Variants in SAMD3 observed in about 807,000 individuals in gnomAD.
SAMD3 encodes sterile alpha motif domain-containing protein 3.
Under a neutral mutation model 58.5 loss-of-function variants are expected in SAMD3, and 63 were observed. The observed-to-expected ratio is 1.08, with a 90% confidence interval of 0.88 to 1.33. The LOEUF is 1.33. Ranked by LOEUF, SAMD3 falls within the 40% of genes most tolerant of loss-of-function variation. The pLI is 0.00. For synonymous variants in SAMD3, 220 were observed against 210.3 expected (o/e 1.05, Z -0.40); for missense variants, 604 against 608.4 (o/e 0.99, Z 0.08).
In SAMD3 at chr6:130,260,436, C is replaced by T. The variant is rs370198539; in HGVS notation, c.-187-37623G>A. Among the ~76,000 whole-genome samples, 13 of 152,332 alleles carry T rather than the reference C, an allele frequency of 8.5e-5. 1 individual carries two copies. Among genetic ancestry groups the T allele is most frequent in the Non-Finnish European group, 7.3e-5 (5 of 68,030 alleles). ...TACCTCTTGCTTGCTCAGTTGATCA[C>T]GACCCTCTCTCACGGACCCCCATAG... On this transcript the variant is annotated intron_variant, in intron 2 of 13. Transcript: ENST00000368134.
chr6:130,299,389 C>T lies in SAMD3; in HGVS notation c.-188+13589G>A, dbSNP rs138885343. 1.3e-3 allele frequency among the ~76,000 whole-genome samples: 201 copies of T among 152,120 alleles called. 2 individuals carry two copies. The highest frequency in any genetic ancestry group is 4.5e-3 in the African/African-American group (187 of 41,522). ...ACTTTTGGGTAAAGAACAAAATTAACGCAGAAATATAAAAATATTTTGAAA... is the reference window on the plus strand; with the variant it reads ...ACTTTTGGGTAAAGAACAAAATTAATGCAGAAATATAAAAATATTTTGAAA... On this transcript the variant is annotated intron_variant, in intron 2 of 13. Coordinates refer to the SAMD3 transcript ENST00000368134.
intron 8 of SAMD3, among the ~76,000 whole-genome samples, chr6:130,155,862 G>A (rs1486261956): frequency 6.6e-6 from 1 of 152,002 alleles, no homozygotes; most frequent in African/African-American, 2.4e-5. Context: ...ACCAAGTGAA[G>A]GAACGCCTAG....
intron 1 of SAMD3, among the ~76,000 whole-genome samples, chr6:130,349,891 T>C (rs1452029508): frequency 6.6e-6 from 1 of 152,156 alleles, no homozygotes; most frequent in Non-Finnish European, 1.5e-5. Flanking sequence ...GTGGGCTTCA[T>C]CCCTGGGATG....
downstream of SAMD3, chr6:130,143,811 A>T (rs1238087745): frequency 6.6e-6 from 1 of 152,258 alleles, no homozygotes; most frequent in Non-Finnish European, 1.5e-5. Context: ...AAAAGTACTT[A>T]TGCAGCCATT....
chr6:130,168,765 A>G (rs1790951568), intron 8 of SAMD3, among the ~76,000 whole-genome samples: 1 of 152,100 alleles, frequency 6.6e-6, no homozygotes, highest in Admixed American at 6.6e-5. Flanking sequence ...GAGTTACCCA[A>G]GTGTGTCTTA....
chr6:130,216,780 C>A lies in SAMD3; in HGVS notation c.-67-164G>T, dbSNP rs557855290. 3.9e-5 allele frequency among the ~76,000 whole-genome samples: 6 copies of A among 152,244 alleles called. No homozygotes were observed. The South Asian group carries it at 1.2e-3, about 32-fold the overall frequency. On this transcript the variant is annotated intron_variant, in intron 1 of 11. Coordinates refer to ENST00000439090, the MANE Select transcript of SAMD3 (RefSeq NM_001017373.4). ...ACAAACAGTAGCCACAGAACCCCTC[C>A]CCTAGGCTAAGCAGCAATAGCAGGG...
intron 2 of SAMD3, among the ~76,000 whole-genome samples, chr6:130,285,694 T>C (rs1775132595): frequency 6.6e-6 from 1 of 152,266 alleles, no homozygotes; most frequent in South Asian, 2.1e-4. Flanking sequence ...AGTTGTATTT[T>C]CTGTTACTTG....
intron 1 of SAMD3, among the ~76,000 whole-genome samples, chr6:130,342,810 A>G (rs1251946407): frequency 6.6e-6 from 1 of 152,206 alleles, no homozygotes; most frequent in East Asian, 1.9e-4. Context: ...AAGAAATATT[A>G]TTCAAATCTG....
Position 130,327,610 on chromosome 6 carries a change from C to T in SAMD3, c.-303-14517G>A, listed in dbSNP as rs1455036847. 5.8e-4 allele frequency among the ~76,000 whole-genome samples: 89 copies of T among 152,276 alleles called. 2 individuals carry two copies. The highest frequency in any genetic ancestry group is 8.8e-5 in the Non-Finnish European group (6 of 68,016). ...AAATTAAAACTGAGTAAATGGTCAA[C>T]TTGGCATGAAGCCTTACTAAGTTGA... On this transcript the variant is annotated intron_variant, in intron 1 of 13. Coordinates refer to the SAMD3 transcript ENST00000368134.
chr6:130,278,123 C>G (rs944174204), intron 2 of SAMD3, among the ~76,000 whole-genome samples: 1 of 152,192 alleles, frequency 6.6e-6, no homozygotes, highest in African/African-American at 2.4e-5. Flanking sequence ...AGACCCTGCA[C>G]TTTATGGATC....
chr6:130,269,596 TTCTC>T (rs1554269110), intron 2 of SAMD3, among the ~76,000 whole-genome samples: 1 of 152,150 alleles, frequency 6.6e-6, no homozygotes, highest in Non-Finnish European at 1.5e-5. Flanking sequence ...AATATGTGTC[TTCTC>T]TCTTTTTCTT....
intron 2 of SAMD3, among the ~76,000 whole-genome samples, chr6:130,304,515 C>A (rs2114978977): frequency 6.6e-6 from 1 of 152,268 alleles, no homozygotes; most frequent in Non-Finnish European, 1.5e-5. Flanking sequence ...CTCTTTAGTT[C>A]CACTGAACAC....
At chr6:130,183,553 T>A in intron 7 of SAMD3, 1 of 381,784 alleles carries the variant, frequency 2.6e-6, no homozygotes, top group South Asian at 2.0e-5. Flanking sequence ...TCTTTCTATG[T>A]GTCACATCTC....
At chr6:130,324,495 T>G (rs986205390) in intron 1 of SAMD3, among the ~76,000 whole-genome samples, 1 of 152,242 alleles carries the variant, frequency 6.6e-6, no homozygotes, top group Non-Finnish European at 1.5e-5. Context: ...TAGCTTTTTT[T>G]ACCATCAAAA....
intron 2 of SAMD3, among the ~76,000 whole-genome samples, chr6:130,237,559 G>A (rs1196154022): frequency 2.6e-5 from 4 of 152,004 alleles, no homozygotes; most frequent in East Asian, 3.9e-4. Flanking sequence ...GCTTTAAAAT[G>A]TCTAATAATT....
intron 2 of SAMD3, among the ~76,000 whole-genome samples, chr6:130,275,434 A>G (rs12204611): frequency 0.022 from 3,306 of 152,290 alleles, 64 homozygotes; most frequent in Middle Eastern, 0.034. Flanking sequence ...CAAACAGTTC[A>G]GAAATCTATT....
At chr6:130,180,084 G>C (rs1792139431) in intron 7 of SAMD3, among the ~76,000 whole-genome samples, 1 of 150,996 alleles carries the variant, frequency 6.6e-6, no homozygotes. Context: ...CAAAGTGCTA[G>C]GATTACAGGC....
At chr6:130,343,115 G>A (rs566217316) in intron 1 of SAMD3, among the ~76,000 whole-genome samples, 8 of 151,444 alleles carry the variant, frequency 5.3e-5, no homozygotes, top group Admixed American at 4.0e-4. Flanking sequence ...CTAGTATGAA[G>A]GGCAATTTCA....
intron 2 of SAMD3, among the ~76,000 whole-genome samples, chr6:130,228,656 A>G (rs10447418): frequency 0.27 from 40,405 of 152,178 alleles, 5,803 homozygotes; most frequent in East Asian, 0.47. Context: ...GAAAGCAGAC[A>G]TCCAGAAACA....
Sources: gnomAD v4.1 joint callset for allele counts (sites outside exome capture counted in the v4.1 genomes callset) on GRCh38, gnomAD v4.1.1 for gene constraint, MANE v1.5 for transcripts, NCBI Gene and HGNC (gene_info 2026-07-23, HGNC 2026-07-21) for gene names.